ME3: variants seen among roughly 807,000 people sequenced by gnomAD.
ME3 encodes the protein malic enzyme 3.
Under a neutral mutation model 68.9 loss-of-function variants are expected in ME3, and 48 were observed. The observed-to-expected ratio is 0.70, with a 90% CI of 0.55 to 0.89. The LOEUF (loss-of-function observed/expected upper bound fraction) is 0.89, where lower values mean the gene tolerates loss of function less well. Among genes scored for constraint, ME3 ranks in the 40% least tolerant of loss-of-function variants. The pLI is 0.00. For missense variants in ME3, 675 were observed against 797.4 expected, an observed-to-expected ratio of 0.85 and a Z score of 1.85; for synonymous variants, 320 against 318.8, an observed-to-expected ratio of 1.00 and a Z score of -0.04.
intron 8 of ME3, among the ~76,000 whole-genome samples, chr11:86,451,176 G>A (rs566390150): frequency 5.3e-5 from 8 of 152,306 alleles, no homozygotes; most frequent in African/African-American, 1.9e-4. Flanking sequence ...TTTGGTCCAG[G>A]GGATGGTTAG....
intron 2 of ME3, among the ~76,000 whole-genome samples, chr11:86,648,233 A>G (rs982413371): frequency 4.6e-5 from 7 of 152,236 alleles, no homozygotes; most frequent in African/African-American, 1.4e-4. Flanking sequence ...ATAACATACC[A>G]GAATCTCTGG....
intron 7 of ME3, among the ~76,000 whole-genome samples, chr11:86,476,279 C>A (rs1951078471): frequency 6.6e-6 from 1 of 152,132 alleles, no homozygotes; most frequent in Non-Finnish European, 1.5e-5. Flanking sequence ...ACATTCAAGG[C>A]TGGGAAAATA....
intron 7 of ME3, among the ~76,000 whole-genome samples, chr11:86,468,221 A>G (rs779174875): frequency 2.0e-5 from 3 of 152,148 alleles, no homozygotes; most frequent in Non-Finnish European, 4.4e-5. Context: ...ATGGCTTTTC[A>G]TGAAACCAGA....
At chr11:86,586,208 T>C (rs1273016825) in intron 2 of ME3, among the ~76,000 whole-genome samples, 1 of 152,136 alleles carries the variant, frequency 6.6e-6, no homozygotes, top group East Asian at 1.9e-4. Context: ...GCAAACAGTT[T>C]ATGGTGTTGT....
intron 4 of ME3, among the ~76,000 whole-genome samples, chr11:86,510,570 T>C (rs952029220): frequency 1.3e-5 from 2 of 152,212 alleles, no homozygotes; most frequent in Admixed American, 1.3e-4. Flanking sequence ...CCTTTGGCAC[T>C]ATTGACATTT....
At chr11:86,577,161 C>T (rs1958162605) in intron 2 of ME3, among the ~76,000 whole-genome samples, 1 of 152,098 alleles carries the variant, frequency 6.6e-6, no homozygotes, top group Admixed American at 6.5e-5. Flanking sequence ...AAGCAAATGA[C>T]CCAATATCAT....
intron 2 of ME3, among the ~76,000 whole-genome samples, chr11:86,658,151 A>G (rs531971951): frequency 6.6e-6 from 1 of 151,658 alleles, no homozygotes; most frequent in East Asian, 1.9e-4. Context: ...TTTTGAGACA[A>G]TCTCATGCTG....
rs552382929 is a variant in ME3 at position 86,462,538 on chromosome 11, G to A, written c.919+2553C>T. 118 of 1,218,106 alleles carry A rather than the reference G, an allele frequency of 9.7e-5. No individual in the cohort carries two copies. The African/African-American group carries it at 1.7e-3, about 18-fold the overall frequency. The allele number at this position is 1,218,106 out of a possible 1,614,324, so 75.5% of individuals were successfully genotyped here. A position where few individuals can be genotyped will look rare whatever the true frequency, so the allele number is the denominator to read the frequency against. On this transcript the variant is annotated intron_variant, in intron 8 of 14. Coordinates refer to ENST00000543262, the Ensembl canonical transcript of ME3. ...ACCTGGATAACAGAGAGGCTGCAGGGGCAGGTGTCCAGTGTAGACATACTC... is the reference window on the plus strand; with the variant it reads ...ACCTGGATAACAGAGAGGCTGCAGGAGCAGGTGTCCAGTGTAGACATACTC...
chr11:86,445,521 C>T (rs1334124496), intron 13 of ME3, among the ~76,000 whole-genome samples: 8 of 152,186 alleles, frequency 5.3e-5, no homozygotes, highest in Non-Finnish European at 2.9e-5. Flanking sequence ...GAGCTTGTTA[C>T]GTGTAAATAT....
At chr11:86,443,891 A>T (rs1949143005) in intron 13 of ME3, among the ~76,000 whole-genome samples, 1 of 152,182 alleles carries the variant, frequency 6.6e-6, no homozygotes, top group Non-Finnish European at 1.5e-5. Context: ...GGCTCCTTCA[A>T]ACTCCTTCCC....
Position 86,559,826 on chromosome 11 carries a change from G to T in ME3, c.184-3C>A. ...TCTTCAAGGGTAAAGGCCATCCCCT[G>T]GGAAAAACAGGAAAAGAACACCCAC... On this transcript the variant is annotated splice_polypyrimidine_tract_variant and splice_region_variant and intron_variant, in intron 2 of 14. Transcript: ENST00000543262. 6.2e-7 allele frequency: 1 copy of T among 1,612,666 alleles called. No individual in the cohort carries two copies. Among genetic ancestry groups the T allele is most frequent in the Non-Finnish European group, 8.5e-7 (1 of 1,179,162 alleles).
intron 7 of ME3, among the ~76,000 whole-genome samples, chr11:86,475,874 T>TATATAGAGAGAGAGAGAGAGAGAG: frequency 2.2e-5 from 2 of 91,474 alleles, no homozygotes; most frequent in African/African-American, 5.0e-5. Context: ...TATATATATA[T>TATATAGAGAGAGAGAGAGAGAGAG]AGAGAGAGAG....
intron 5 of ME3, among the ~76,000 whole-genome samples, chr11:86,507,113 A>T (rs1287419189): frequency 6.6e-6 from 1 of 152,204 alleles, no homozygotes; most frequent in Non-Finnish European, 1.5e-5. Context: ...GTTTTTAAGT[A>T]ATATCATTCC....
In ME3 at chr11:86,500,419, G is replaced by C. The variant is rs1194757366; in HGVS notation, c.544-2295C>G. ...AATGAGTGTCTCACCTCCATCTACT[G>C]TCCACCCGCAATCCTACCATGGTTA... On this transcript the variant is annotated intron_variant, in intron 5 of 14. Coordinates refer to ENST00000543262, the Ensembl canonical transcript of ME3. 2.6e-5 allele frequency among the ~76,000 whole-genome samples: 4 copies of C among 152,154 alleles called. No homozygotes were observed. The South Asian group carries it at 8.3e-4, about 31-fold the overall frequency.
At chr11:86,459,430 T>C (rs2138689663) in intron 8 of ME3, among the ~76,000 whole-genome samples, 1 of 152,276 alleles carries the variant, frequency 6.6e-6, no homozygotes, top group Middle Eastern at 3.4e-3. Context: ...GAGATTATAG[T>C]AATAGGTACC....
At chr11:86,571,824 C>T (rs1292666329) in intron 2 of ME3, among the ~76,000 whole-genome samples, 1 of 152,120 alleles carries the variant, frequency 6.6e-6, no homozygotes, top group African/African-American at 2.4e-5. Context: ...TAACGTAATG[C>T]AAGGGAAGGG....
chr11:86,651,573 C>T (rs1157485589), intron 2 of ME3, among the ~76,000 whole-genome samples: 1 of 152,130 alleles, frequency 6.6e-6, no homozygotes, highest in Admixed American at 6.5e-5. Flanking sequence ...GAAAGGACAT[C>T]CACACCAAAA....
At chr11:86,480,103 G>A (rs1484096348) in intron 7 of ME3, among the ~76,000 whole-genome samples, 1 of 152,190 alleles carries the variant, frequency 6.6e-6, no homozygotes. Context: ...GTAGGCATGA[G>A]CCACCGCGCC....
At chr11:86,520,336 T>G (rs774070796) in intron 4 of ME3, among the ~76,000 whole-genome samples, 1 of 152,196 alleles carries the variant, frequency 6.6e-6, no homozygotes, top group African/African-American at 2.4e-5. Flanking sequence ...CTGTACTGAT[T>G]TCATGCATTC....
Sources: allele counts gnomAD v4.1 joint callset (sites outside exome capture counted in the v4.1 genomes callset), GRCh38; gene constraint gnomAD v4.1.1; transcripts MANE v1.5; gene names NCBI Gene and HGNC (gene_info 2026-07-23, HGNC 2026-07-21).